SYNE2: variants seen among roughly 807,000 people sequenced by gnomAD.
The protein encoded by SYNE2 is spectrin repeat containing nuclear envelope protein 2.
Under a neutral mutation model 856.3 loss-of-function variants are expected in SYNE2, and 431 were observed. That is an observed-to-expected ratio of 0.50 (90% CI 0.47 to 0.55). The LOEUF is 0.55. SYNE2 is among the 20% of genes least tolerant of loss of function. The pLI is 0.00. For missense variants in SYNE2, 8,129 were observed against 8,023.2 expected, an observed-to-expected ratio of 1.01 and a Z score of -0.50; for synonymous variants, 2,923 against 2,872.3, an observed-to-expected ratio of 1.02 and a Z score of -0.56.
rs751323606 is a variant in SYNE2, at chr14:64,221,553, G to T, written c.20062-23G>T. The T allele has an allele frequency of 2.4e-5, 39 of 1,614,044 alleles. No individual in the cohort carries two copies. The South Asian group carries it at 4.2e-4, about 17-fold the overall frequency. On this transcript the variant is annotated intron_variant, in intron 111 of 115. Transcript: ENST00000555002. Reference sequence around the variant, plus strand: ...TTCCAGGGCTCTAAGACACGGCCGCGCTCTGATGTGTTGTTTTTTAAGGAC... The same window carrying T: ...TTCCAGGGCTCTAAGACACGGCCGCTCTCTGATGTGTTGTTTTTTAAGGAC...
At chr14:64,121,449 G>A (rs1408108283) in intron 68 of SYNE2, among the ~76,000 whole-genome samples, 2 of 152,184 alleles carry the variant, frequency 1.3e-5, no homozygotes, top group Non-Finnish European at 2.9e-5. Flanking sequence ...CTTGAATCCA[G>A]GAGGCAGAGG....
chr14:64,129,936 T>C (rs1455516435), intron 75 of SYNE2, 35 bp downstream of exon 75: 2 of 1,614,076 alleles, frequency 1.2e-6, no homozygotes, highest in Admixed American at 1.7e-5. Context: ...CTCAGCACTG[T>C]GATTGTGAGG....
At chr14:63,783,500 C>G (rs1220495515) in intron 1 of SYNE2, among the ~76,000 whole-genome samples, 1 of 152,172 alleles carries the variant, frequency 6.6e-6, no homozygotes, top group Non-Finnish European at 1.5e-5. Context: ...GCCTCAGCCT[C>G]CTGAGTAGCT....
chr14:64,221,672 C>T lies in SYNE2; in HGVS notation c.20158C>T (p.Arg6720Trp), dbSNP rs35700578. Reference protein sequence around the residue: ...AHVTDPKADPRALLECRRELM... With the variant: ...AHVTDPKADPWALLECRRELM... ...TGTCACCGATCCAAAGGCAGACCCC[C>T]GGGCTCTCCTAGAGTGTCGGAGGGA... The change falls in exon 112 of 116, where the codon CGG becomes TGG. Residue 6720 changes from arginine to tryptophan, a missense_variant. Arg to Trp is a moderately radical substitution (Grantham distance 101). Coordinates refer to ENST00000555002, the MANE Select transcript of SYNE2 (RefSeq NM_182914.3). 4.1e-3 allele frequency: 6,555 copies of T among 1,614,164 alleles called. 22 individuals carry two copies. The highest frequency in any genetic ancestry group is 4.5e-3 in the Non-Finnish European group (5,335 of 1,180,022).
At chr14:64,170,142 ACTGAAT>A (rs2098403799) in intron 93 of SYNE2, 80 bp from the exon 94 acceptor site, 1 of 1,285,868 alleles carries the variant, frequency 7.8e-7, no homozygotes, top group East Asian at 2.3e-5. Context: ...ACTTATAAAA[ACTGAAT>A]CTGAGCTGCT....
intron 1 of SYNE2, among the ~76,000 whole-genome samples, chr14:63,782,534 A>T (rs1887358121): frequency 6.6e-6 from 1 of 151,950 alleles, no homozygotes; most frequent in African/African-American, 2.4e-5. Flanking sequence ...CTAACTTGAA[A>T]GTCTCTTACC....
At chr14:64,145,534 A>T (rs906649063) in intron 83 of SYNE2, among the ~76,000 whole-genome samples, 1 of 151,334 alleles carries the variant, frequency 6.6e-6, no homozygotes, top group Non-Finnish European at 1.5e-5. Context: ...AAATTATGTC[A>T]TGACACAGTA....
intron 1 of SYNE2, among the ~76,000 whole-genome samples, chr14:63,785,481 CA>C (rs200802487): frequency 6.6e-6 from 1 of 151,488 alleles, no homozygotes; most frequent in East Asian, 1.9e-4. Context: ...AACAAACAAA[CA>C]AAAAAAACAC....
At position 64,048,083 on chromosome 14, in the gene SYNE2, A is replaced by G; in HGVS notation, c.7305A>G (p.Lys2435=). 6.2e-7 allele frequency: 1 copy of G among 1,613,788 alleles called. No individual in the cohort carries two copies. Among genetic ancestry groups the G allele is most frequent in the Non-Finnish European group, 8.5e-7 (1 of 1,179,794 alleles). ...ESMKNTEDER[K]VNELQNQPLE... is the part of the protein sequence containing the mutation. ...TGAAAAACACTGAAGATGAGCGGAA[A>G]GTCAATGAGCTGCAAAATCAACCTT... is the stretch of plus-strand genomic sequence containing the variant. The change falls in exon 46 of 116, where the codon AAA becomes AAG. Residue 2435 remains lysine (K), a synonymous_variant. Transcript: ENST00000555002.
chr14:63,983,841 A>G lies in SYNE2; in HGVS notation c.2106A>G (p.Thr702=), dbSNP rs776696930. ...AGAAAGCAACTGTTGAGTTTTCAAC[A>G]GATATGTCAGTAGAACTTCCTGAAA... The part of the protein sequence containing the change: ...KEEKATVEFS[T]DMSVELPENY... Residue 702 remains threonine (T), a synonymous_variant, in exon 18 of 116, where the codon ACA becomes ACG. Transcript: ENST00000555002. 6.3e-7 allele frequency: 1 copy of G among 1,595,996 alleles called. No homozygotes were observed. Among genetic ancestry groups the G allele is most frequent in the Non-Finnish European group, 8.6e-7 (1 of 1,164,982 alleles).
intron 1 of SYNE2, among the ~76,000 whole-genome samples, chr14:63,874,824 C>G (rs945508613): frequency 2.0e-5 from 3 of 152,046 alleles, no homozygotes; most frequent in South Asian, 2.1e-4. Context: ...TATAATTATT[C>G]TGAAATTCTC....
chr14:63,947,180 A>G lies in SYNE2; in HGVS notation c.409-2645A>G, dbSNP rs115128061. 5.0e-3 allele frequency among the ~76,000 whole-genome samples: 760 copies of G among 152,174 alleles called. 5 individuals carry two copies. Among genetic ancestry groups the G allele is most frequent in the African/African-American group, 0.018 (732 of 41,510 alleles). ...TATTCTTTAACGACCTCTTTTTACT[A>G]TGAAGGTATTCTCTTACATTATTTT... is the stretch of plus-strand genomic sequence containing the variant. On this transcript the variant is annotated intron_variant, in intron 6 of 115. Coordinates refer to ENST00000555002, the MANE Select transcript of SYNE2 (RefSeq NM_182914.3).
intron 1 of SYNE2, among the ~76,000 whole-genome samples, chr14:63,847,925 C>T (rs1159863324): frequency 6.6e-6 from 1 of 151,680 alleles, no homozygotes; most frequent in Non-Finnish European, 1.5e-5. Flanking sequence ...TCACTCTTGT[C>T]GCCCAGGCTG....
chr14:63,761,621 A>G (rs910735511), upstream of SYNE2, among the ~76,000 whole-genome samples: 1 of 152,142 alleles, frequency 6.6e-6, no homozygotes, highest in Admixed American at 6.6e-5. Context: ...CCTTTTCTTC[A>G]GGTATAGGGA....
chr14:64,049,507 T>C, intron 46 of SYNE2, 104 bp from the exon 47 acceptor site: 1 of 1,180,682 alleles, frequency 8.5e-7, no homozygotes, highest in Non-Finnish European at 1.2e-6. Context: ...TGAGTTACCC[T>C]CTTCCTGAGA....
intron 61 of SYNE2, among the ~76,000 whole-genome samples, chr14:64,094,289 G>A (rs1040886588): frequency 5.9e-5 from 9 of 151,876 alleles, no homozygotes; most frequent in East Asian, 1.9e-4. Flanking sequence ...AGCCGAGATC[G>A]CGCCACTGCA....
chr14:64,219,126 A>AACAC, intron 109 of SYNE2, 82 bp from the exon 110 acceptor site: 2 of 816,294 alleles, frequency 2.5e-6, no homozygotes, highest in Non-Finnish European at 3.5e-6. Context: ...TTTTTTTTTA[A>AACAC]CCACCCTGAC....
At chr14:64,077,315 T>C (rs1291021910) in intron 54 of SYNE2, among the ~76,000 whole-genome samples, 1 of 152,092 alleles carries the variant, frequency 6.6e-6, no homozygotes, top group Non-Finnish European at 1.5e-5. Context: ...GCTCAAAATA[T>C]CAGAAAACTT....
At chr14:64,187,651 G>C (rs1206690276) in intron 97 of SYNE2, among the ~76,000 whole-genome samples, 1 of 152,184 alleles carries the variant, frequency 6.6e-6, no homozygotes, top group Non-Finnish European at 1.5e-5. Flanking sequence ...TCCGAAAAGA[G>C]CAGAGGTTTC....
Sources: allele counts gnomAD v4.1 joint callset (sites outside exome capture counted in the v4.1 genomes callset), GRCh38; gene constraint gnomAD v4.1.1; transcripts MANE v1.5; gene names NCBI Gene and HGNC (gene_info 2026-07-23, HGNC 2026-07-21).